Variants in ZFHX3 observed in about 807,000 individuals in gnomAD.
ZFHX3 encodes zinc finger homeobox protein 3.
A neutral mutation model predicts 279.1 loss-of-function variants in ZFHX3; 42 were observed. The ratio of observed to expected loss-of-function variants is 0.15; its 90% CI spans 0.12 to 0.19. The LOEUF (loss-of-function observed/expected upper bound fraction) is 0.19. Ranked by LOEUF, ZFHX3 falls within the 10% of genes least tolerant of loss-of-function variation. The pLI, the probability that ZFHX3 is intolerant of heterozygous loss-of-function variation, is 1.00. For synonymous variants in ZFHX3, 2,293 were observed against 1,957.8 expected (o/e 1.17, Z -4.52); for missense variants, 4,981 against 4,754.0 (o/e 1.05, Z -1.40).
intron 2 of ZFHX3, among the ~76,000 whole-genome samples, chr16:73,621,219 C>T (rs527811880): frequency 2.6e-5 from 4 of 152,310 alleles, no homozygotes; most frequent in East Asian, 1.9e-4. Context: ...GGCCTCTTAT[C>T]GTTTCCCTTC....
At chr16:73,754,850 T>C (rs1007033714) in intron 1 of ZFHX3, among the ~76,000 whole-genome samples, 1 of 152,182 alleles carries the variant, frequency 6.6e-6, no homozygotes, top group Non-Finnish European at 1.5e-5. Context: ...TGCCTATAGC[T>C]CTGCATTTCT....
chr16:73,804,885 C>CACA (rs1567416062), intron 1 of ZFHX3, among the ~76,000 whole-genome samples: 3 of 129,816 alleles, frequency 2.3e-5, no homozygotes, highest in African/African-American at 8.9e-5. Flanking sequence ...ACACACACAC[C>CACA]CACACCAAAG....
chr16:73,253,967 C>G (rs371313221), intron 5 of ZFHX3, among the ~76,000 whole-genome samples: 1 of 152,142 alleles, frequency 6.6e-6, no homozygotes, highest in African/African-American at 2.4e-5. Flanking sequence ...GTTCAAATCT[C>G]CATCTAAGAT....
chr16:72,922,269 G>A (rs1210017746), intron 3 of ZFHX3, among the ~76,000 whole-genome samples: 1 of 152,098 alleles, frequency 6.6e-6, no homozygotes, highest in African/African-American at 2.4e-5. Flanking sequence ...TCGCCCCTCT[G>A]GTTTGGTTCT....
At chr16:72,922,888 C>G (rs1325147648) in intron 3 of ZFHX3, among the ~76,000 whole-genome samples, 2 of 152,094 alleles carry the variant, frequency 1.3e-5, no homozygotes, top group Non-Finnish European at 2.9e-5. Context: ...AGACTCTCCC[C>G]AGCCTGCTTC....
At position 72,987,232 on chromosome 16, in the gene ZFHX3, C is replaced by A. The variant is rs73594705; in HGVS notation, c.-49-27038G>T. ...TCCATCAGCAGCTAGAAGGCAAGCA[C>A]CCATCCCTCACTCAACTCTCATAGC... On this transcript the variant is annotated intron_variant, in intron 1 of 9. Coordinates refer to ENST00000268489, the MANE Select transcript of ZFHX3 (RefSeq NM_006885.4). Among the ~76,000 whole-genome samples, 8 of 152,218 alleles carry A rather than the reference C, an allele frequency of 5.3e-5. No individual in the cohort carries two copies. In the South Asian group the frequency reaches 1.7e-3, roughly 32 times the overall value.
chr16:73,058,927 C>T, exon 1 of ZFHX3: 1 of 164,128 alleles, frequency 6.1e-6, no homozygotes, highest in Non-Finnish European at 1.3e-5. Context: ...CAGGCGGCGG[C>T]GGCGGCTGCG....
At chr16:73,514,162 C>A (rs2019481214) in intron 2 of ZFHX3, among the ~76,000 whole-genome samples, 1 of 152,022 alleles carries the variant, frequency 6.6e-6, no homozygotes, top group Non-Finnish European at 1.5e-5. Flanking sequence ...GCAGAAGAAT[C>A]CCTTGAGCCC....
intron 2 of ZFHX3, among the ~76,000 whole-genome samples, chr16:73,646,647 T>C (rs1398831556): frequency 6.6e-6 from 1 of 152,146 alleles, no homozygotes; most frequent in Non-Finnish European, 1.5e-5. Flanking sequence ...CAAAATGAGA[T>C]GTTACTTACA....
At chr16:73,513,639 A>G (rs1162761230) in intron 2 of ZFHX3, among the ~76,000 whole-genome samples, 1 of 152,128 alleles carries the variant, frequency 6.6e-6, no homozygotes, top group Non-Finnish European at 1.5e-5. Context: ...CTCAATTTGG[A>G]GTGAGGATAA....
intron 7 of ZFHX3, among the ~76,000 whole-genome samples, chr16:73,112,162 C>G (rs1343932704): frequency 1.3e-5 from 2 of 151,946 alleles, no homozygotes; most frequent in East Asian, 3.9e-4. Flanking sequence ...CTGCTCCTGT[C>G]TGCCCATGGC....
chr16:72,895,590 G>A (rs1334995944), intron 3 of ZFHX3, among the ~76,000 whole-genome samples: 1 of 152,244 alleles, frequency 6.6e-6, no homozygotes. Flanking sequence ...GGGAGGCCAA[G>A]GAAGGAGGAT....
At chr16:73,795,374 A>C (rs1037557897) in intron 1 of ZFHX3, among the ~76,000 whole-genome samples, 3 of 152,090 alleles carry the variant, frequency 2.0e-5, no homozygotes, top group African/African-American at 7.2e-5. Context: ...TGCTATCACC[A>C]TGTTCAGGGC....
At chr16:73,017,090 G>T (rs963540288) in intron 1 of ZFHX3, among the ~76,000 whole-genome samples, 4 of 152,010 alleles carry the variant, frequency 2.6e-5, no homozygotes, top group Admixed American at 2.0e-4. Flanking sequence ...AGCCAGGCGT[G>T]GGGGCATGTG....
chr16:72,944,667 A>T (rs1019099217), intron 3 of ZFHX3, among the ~76,000 whole-genome samples: 2 of 152,226 alleles, frequency 1.3e-5, no homozygotes, highest in African/African-American at 4.8e-5. Context: ...ATTTTTTTAC[A>T]GTGAACATGC....
rs1188247812 is a variant in ZFHX3, at chr16:72,788,416, T to C, written c.9860A>G (p.Gln3287Arg). The C allele has an allele frequency of 6.2e-6, 10 of 1,614,214 alleles. No homozygotes were observed. The highest frequency in any genetic ancestry group is 8.5e-6 in the Non-Finnish European group (10 of 1,180,040). ...CAACGCGGCCTGCAGGGCCTGCAGC[T>C]GTGCAGGGTCTACCGCATACTCCAT... ...PTMEYAVDPA[Q>R]LQALQAALTS... The change falls in exon 10 of 10, where the codon CAG becomes CGG. Residue 3287 changes from glutamine (Q) to arginine (R), a missense_variant. Around this residue, in one of 7 missense-constraint regions of ZFHX3, gnomAD observed 1,034 missense variants for 786.0 expected, o/e 1.32. Coordinates refer to ENST00000268489, the MANE Select transcript of ZFHX3 (RefSeq NM_006885.4).
chr16:73,576,577 A>C (rs530724819), intron 2 of ZFHX3, among the ~76,000 whole-genome samples: 1 of 152,298 alleles, frequency 6.6e-6, no homozygotes, highest in East Asian at 1.9e-4. Context: ...AAGTCTTTTA[A>C]AGGTAAACGG....
At chr16:72,802,868 G>A (rs1261323421) in intron 7 of ZFHX3, among the ~76,000 whole-genome samples, 1 of 152,166 alleles carries the variant, frequency 6.6e-6, no homozygotes, top group African/African-American at 2.4e-5. Context: ...AGAGCCCATT[G>A]AGGAGTCCTT....
At chr16:73,117,317 A>C (rs1966444330) in intron 7 of ZFHX3, among the ~76,000 whole-genome samples, 1 of 152,216 alleles carries the variant, frequency 6.6e-6, no homozygotes, top group South Asian at 2.1e-4. Context: ...CTTATGATTT[A>C]GTTATACATA....
Sources: gnomAD v4.1 joint callset for allele counts (sites outside exome capture counted in the v4.1 genomes callset) on GRCh38, gnomAD v4.1.1 for gene constraint, gnomAD v4.1.1 regional missense constraint, MANE v1.5 for transcripts, NCBI Gene and HGNC (gene_info 2026-07-23, HGNC 2026-07-21) for gene names.